PCDHA10: variants seen among roughly 807,000 people sequenced by gnomAD.
PCDHA10 encodes protocadherin alpha-10.
PCDHA10 carries 45 observed loss-of-function variants against 61.2 expected under a neutral mutation model. The observed-to-expected ratio is 0.74, with a 90% confidence interval of 0.58 to 0.94. The LOEUF (loss-of-function observed/expected upper bound fraction) is 0.94, where lower values mean the gene tolerates loss of function less well. Ranked by LOEUF, PCDHA10 falls within the 40% of genes least tolerant of loss-of-function variation. PCDHA10 has a pLI of 0.00. For missense variants in PCDHA10, 1,278 were observed against 1,236.2 expected (o/e 1.03, Z -0.51); for synonymous variants, 602 against 548.8 (o/e 1.10, Z -1.35).
intron 1 of PCDHA10, among the ~76,000 whole-genome samples, chr5:140,908,023 A>G (rs797031285): frequency 5.9e-5 from 9 of 152,314 alleles, no homozygotes; most frequent in Admixed American, 2.6e-4. Context: ...GCTACAGCCC[A>G]TTAATCAGTA....
intron 1 of PCDHA10, chr5:140,884,452 C>G (rs1203873823): frequency 6.2e-7 from 1 of 1,613,664 alleles, no homozygotes; most frequent in African/African-American, 1.3e-5. Context: ...CACCGCCCAC[C>G]GAGGGCGCGT....
chr5:140,873,161 C>T (rs946054760), intron 1 of PCDHA10, among the ~76,000 whole-genome samples: 11 of 152,012 alleles, frequency 7.2e-5, no homozygotes, highest in South Asian at 4.2e-4. Context: ...GACTTTAGAT[C>T]GAGAGCTTTT....
At chr5:140,959,428 A>AT (rs2095488424) in intron 1 of PCDHA10, among the ~76,000 whole-genome samples, 1 of 152,102 alleles carries the variant, frequency 6.6e-6, no homozygotes, top group Non-Finnish European at 1.5e-5. Context: ...GAATTTGTGT[A>AT]TTTTTTTCTA....
At chr5:140,994,288 C>G (rs2097610720) in intron 3 of PCDHA10, among the ~76,000 whole-genome samples, 4 of 152,150 alleles carry the variant, frequency 2.6e-5, no homozygotes, top group Admixed American at 6.5e-5. Flanking sequence ...TGAGACAGTC[C>G]CCAGATTGTT....
At chr5:140,886,680 G>A (rs1554182653) in intron 1 of PCDHA10, among the ~76,000 whole-genome samples, 1 of 151,946 alleles carries the variant, frequency 6.6e-6, no homozygotes, top group Non-Finnish European at 1.5e-5. Flanking sequence ...ACAAAAATTA[G>A]CGAGGCATGG....
intron 3 of PCDHA10, among the ~76,000 whole-genome samples, chr5:141,000,691 G>A (rs1177204689): frequency 3.3e-5 from 5 of 151,460 alleles, no homozygotes; most frequent in African/African-American, 1.2e-4. Flanking sequence ...GCCTCCCAAA[G>A]TGCTGGGATT....
At chr5:140,869,837 C>G (rs374182289) in intron 1 of PCDHA10, 1 of 1,611,484 alleles carries the variant, frequency 6.2e-7, no homozygotes, top group African/African-American at 1.3e-5. Context: ...TTTGATAAAT[C>G]AGAATATAAG....
chr5:140,942,679 G>C (rs549826522), intron 1 of PCDHA10, among the ~76,000 whole-genome samples: 1 of 152,020 alleles, frequency 6.6e-6, no homozygotes, highest in African/African-American at 2.4e-5. Context: ...AAAGTTTTAG[G>C]AATAACTTTA....
chr5:140,932,790 A>G (rs917083739), intron 1 of PCDHA10, among the ~76,000 whole-genome samples: 21 of 152,066 alleles, frequency 1.4e-4, no homozygotes, highest in African/African-American at 5.1e-4. Flanking sequence ...GACATAAGAG[A>G]AAAGCAATAC....
Position 140,870,561 on chromosome 5 carries a change from C to A in PCDHA10, c.2388+12125C>A, listed in dbSNP as rs544569992. On this transcript the variant is annotated intron_variant, in intron 1 of 3. Transcript: ENST00000307360. Reference sequence around the variant, plus strand: ...CGCGGGACGCGGACGCGCAGGAGAACGCGCTGGTGTCCTACTCGCTGGTGG... The same window carrying A: ...CGCGGGACGCGGACGCGCAGGAGAAAGCGCTGGTGTCCTACTCGCTGGTGG... 86 of 1,614,010 alleles carry A rather than the reference C, an allele frequency of 5.3e-5. No homozygotes were observed. In the East Asian group the frequency reaches 1.7e-3, roughly 33 times the overall value.
intron 1 of PCDHA10, among the ~76,000 whole-genome samples, chr5:140,897,549 T>C (rs1356591020): frequency 2.6e-5 from 4 of 152,140 alleles, no homozygotes; most frequent in African/African-American, 7.2e-5. Flanking sequence ...TAGTCTTCCA[T>C]GGTGTATATG....
At chr5:140,983,438 C>T (rs1233600670) in intron 3 of PCDHA10, among the ~76,000 whole-genome samples, 2 of 152,224 alleles carry the variant, frequency 1.3e-5, no homozygotes, top group Non-Finnish European at 2.9e-5. Flanking sequence ...ATTGTGTCTA[C>T]TCTAATCCTC....
At chr5:140,910,794 T>A (rs1431401808) in intron 1 of PCDHA10, among the ~76,000 whole-genome samples, 5 of 152,166 alleles carry the variant, frequency 3.3e-5, no homozygotes, top group Non-Finnish European at 7.3e-5. Flanking sequence ...AAATGCAGAA[T>A]CCCTGCTTAG....
chr5:140,907,525 G>A (rs1016477325), intron 1 of PCDHA10, among the ~76,000 whole-genome samples: 3 of 152,196 alleles, frequency 2.0e-5, no homozygotes, highest in African/African-American at 4.8e-5. Flanking sequence ...AGGACAAATC[G>A]CTGCCCTTTC....
intron 1 of PCDHA10, chr5:140,877,135 G>A (rs1554169356): frequency 2.5e-6 from 4 of 1,613,790 alleles, no homozygotes; most frequent in Non-Finnish European, 3.4e-6. Flanking sequence ...GCAGGTGTTC[G>A]TGCTGGACGA....
intron 1 of PCDHA10, among the ~76,000 whole-genome samples, chr5:140,938,177 C>A (rs1165477047): frequency 6.6e-6 from 1 of 152,110 alleles, no homozygotes; most frequent in African/African-American, 2.4e-5. Flanking sequence ...AGCTCCTGGG[C>A]TCAAGCAATC....
chr5:140,973,199 G>A (rs574187280), intron 1 of PCDHA10, among the ~76,000 whole-genome samples: 3 of 152,296 alleles, frequency 2.0e-5, no homozygotes, highest in East Asian at 3.9e-4. Context: ...CACTATGTGT[G>A]CATATTCACC....
At chr5:140,981,111 T>C (rs1275828842) in intron 2 of PCDHA10, among the ~76,000 whole-genome samples, 3 of 152,232 alleles carry the variant, frequency 2.0e-5, no homozygotes, top group African/African-American at 2.4e-5. Context: ...GAATTTCTAC[T>C]GGATATGTTG....
intron 1 of PCDHA10, among the ~76,000 whole-genome samples, chr5:140,952,351 A>G (rs1217158530): frequency 8.3e-6 from 1 of 120,612 alleles, no homozygotes; most frequent in Non-Finnish European, 1.8e-5. Flanking sequence ...AAAAAAAAAA[A>G]AAAGAAAGAA....
Sources: allele counts gnomAD v4.1 joint callset (sites outside exome capture counted in the v4.1 genomes callset), GRCh38; gene constraint gnomAD v4.1.1; transcripts MANE v1.5; gene names NCBI Gene and HGNC (gene_info 2026-07-23, HGNC 2026-07-21).